The following ERC1 variants were observed in gnomAD, a reference collection of about 807,000 sequenced individuals.
The protein encoded by ERC1 is RAB6 interacting protein 2.
In ERC1, 56 loss-of-function variants were observed where a neutral mutation model predicts 132.0. The observed-to-expected ratio is 0.42, with a 90% CI of 0.34 to 0.53. The LOEUF is 0.53. Among genes scored for constraint, ERC1 ranks in the 20% least tolerant of loss-of-function variants. The pLI is 0.03. For synonymous variants in ERC1, 478 were observed against 476.1 expected (o/e 1.00, Z -0.05); for missense variants, 1,202 against 1,349.9 (o/e 0.89, Z 1.72).
intron 13 of ERC1, among the ~76,000 whole-genome samples, chr12:1,261,100 A>G (rs1197949077): frequency 1.3e-5 from 2 of 152,190 alleles, no homozygotes; most frequent in Non-Finnish European, 2.9e-5. Flanking sequence ...TTTTCTCCCT[A>G]AAAGTTTTTT....
At chr12:1,343,851 T>G (rs1337637593) in intron 15 of ERC1, among the ~76,000 whole-genome samples, 1 of 149,748 alleles carries the variant, frequency 6.7e-6, no homozygotes, top group Non-Finnish European at 1.5e-5. Context: ...GTAAAAACAT[T>G]TTTTTTTTTT....
intron 3 of ERC1, among the ~76,000 whole-genome samples, chr12:1,096,047 C>T (rs1036407519): frequency 1.3e-5 from 2 of 151,840 alleles, no homozygotes; most frequent in African/African-American, 4.8e-5. Flanking sequence ...TGCCTCAGCC[C>T]CCGCAAGTGG....
intron 7 of ERC1, among the ~76,000 whole-genome samples, chr12:1,116,402 C>T (rs920408594): frequency 1.3e-5 from 2 of 152,134 alleles, no homozygotes; most frequent in Admixed American, 1.3e-4. Flanking sequence ...AGCTTGGTTA[C>T]ACTGTGTTTG....
intron 1 of ERC1, 181 bp from the exon 2 acceptor site, chr12:1,027,567 C>T (rs1967106260): frequency 8.6e-6 from 2 of 232,468 alleles, no homozygotes. Flanking sequence ...AGTTTTGAGA[C>T]ATCTAAAATA....
chr12:1,067,368 C>A (rs74845762), intron 2 of ERC1, among the ~76,000 whole-genome samples: 5,349 of 152,208 alleles, frequency 0.035, 304 homozygotes, highest in African/African-American at 0.12. Flanking sequence ...ACTTTGTAAT[C>A]ATAACACAAA....
chr12:1,379,993 T>C (rs1566723235), intron 16 of ERC1: 1 of 151,948 alleles, frequency 6.6e-6, no homozygotes, highest in Non-Finnish European at 1.5e-5. Flanking sequence ...TGCTCAGCAG[T>C]AGACAGAAAT....
intron 2 of ERC1, among the ~76,000 whole-genome samples, chr12:1,029,566 A>G (rs898792332): frequency 3.3e-5 from 5 of 152,032 alleles, no homozygotes; most frequent in Admixed American, 6.6e-5. Flanking sequence ...TGGGCTTTGC[A>G]ATTTGAGAGC....
intron 16 of ERC1, among the ~76,000 whole-genome samples, chr12:1,391,898 G>A (rs7136329): frequency 0.52 from 79,320 of 152,074 alleles, 23,927 homozygotes; most frequent in African/African-American, 0.84. Context: ...ATATAAGGCA[G>A]AAAGATCCAG....
intron 15 of ERC1, among the ~76,000 whole-genome samples, chr12:1,337,215 T>C (rs1024814743): frequency 6.6e-6 from 1 of 152,182 alleles, no homozygotes; most frequent in African/African-American, 2.4e-5. Context: ...ACTTGCTTCC[T>C]GAATCCGGGT....
chr12:1,353,991 C>T (rs1297202860), intron 15 of ERC1, among the ~76,000 whole-genome samples: 1 of 151,102 alleles, frequency 6.6e-6, no homozygotes, highest in Non-Finnish European at 1.5e-5. Flanking sequence ...TTTCTTTTTC[C>T]TCTAAGACCA....
At chr12:1,216,623 G>A (rs968394124) in intron 12 of ERC1, among the ~76,000 whole-genome samples, 1 of 138,072 alleles carries the variant, frequency 7.2e-6, no homozygotes, top group Non-Finnish European at 1.6e-5. Context: ...GATGGGGGGT[G>A]GGGGGCGGGG....
intron 17 of ERC1, among the ~76,000 whole-genome samples, chr12:1,440,489 A>G (rs1321656663): frequency 2.1e-5 from 3 of 141,902 alleles, no homozygotes; most frequent in Non-Finnish European, 4.5e-5. Flanking sequence ...TACAGGTGTG[A>G]GCCACCGCGC....
intron 13 of ERC1, among the ~76,000 whole-genome samples, chr12:1,243,180 C>A (rs920215123): frequency 7.4e-6 from 1 of 134,620 alleles, no homozygotes; most frequent in Non-Finnish European, 1.5e-5. Flanking sequence ...GGCGACAGAG[C>A]GAGACTCCGT....
At chr12:1,413,334 C>T (rs1019222673) in intron 17 of ERC1, among the ~76,000 whole-genome samples, 1 of 152,132 alleles carries the variant, frequency 6.6e-6, no homozygotes, top group Non-Finnish European at 1.5e-5. Flanking sequence ...TGGCTCAAGC[C>T]TGTAATCCCA....
chr12:1,247,392 A>G (rs1394994853), intron 13 of ERC1, among the ~76,000 whole-genome samples: 1 of 152,220 alleles, frequency 6.6e-6, no homozygotes, highest in African/African-American at 2.4e-5. Flanking sequence ...TGTAAACCAT[A>G]AACATTACAG....
chr12:1,246,252 T>G (rs552098515), intron 13 of ERC1, among the ~76,000 whole-genome samples: 1 of 151,956 alleles, frequency 6.6e-6, no homozygotes, highest in Admixed American at 6.6e-5. Flanking sequence ...TGCCTATAGG[T>G]GGGAGAGTGC....
At chr12:1,485,367 G>C (rs560904180) in intron 18 of ERC1, among the ~76,000 whole-genome samples, 3 of 151,692 alleles carry the variant, frequency 2.0e-5, no homozygotes, top group Non-Finnish European at 4.4e-5. Flanking sequence ...ACCACGCCTG[G>C]CTAGTTTTTG....
chr12:1,213,972 C>G (rs1340295274), intron 12 of ERC1, among the ~76,000 whole-genome samples: 3 of 152,060 alleles, frequency 2.0e-5, no homozygotes, highest in Middle Eastern at 3.4e-3. Context: ...ATGAGAATGC[C>G]AGGGTACTTA....
At chr12:1,293,123 G>A (rs12314210) in intron 15 of ERC1, among the ~76,000 whole-genome samples, 3,772 of 132,534 alleles carry the variant, frequency 0.028, 119 homozygotes, top group African/African-American at 0.079. Flanking sequence ...CAGCCTGGGT[G>A]ACAGAGCAAG....
Sources: gnomAD v4.1 joint callset for allele counts (sites outside exome capture counted in the v4.1 genomes callset) on GRCh38, gnomAD v4.1.1 for gene constraint, MANE v1.5 for transcripts, NCBI Gene and HGNC (gene_info 2026-07-23, HGNC 2026-07-21) for gene names.